The following GOLGA4 variants were observed in gnomAD, a reference collection of about 807,000 sequenced individuals.
GOLGA4 encodes the protein golgin subfamily A member 4.
GOLGA4 carries 169 observed loss-of-function variants against 265.9 expected under a neutral mutation model. The observed-to-expected ratio is 0.64, with a 90% CI of 0.56 to 0.72. GOLGA4 has a LOEUF of 0.72. GOLGA4 is among the 30% of genes least tolerant of loss of function. GOLGA4 has a pLI of 0.00. For missense variants in GOLGA4, 2,482 were observed against 2,483.4 expected (o/e 1.00, Z 0.01); for synonymous variants, 923 against 855.8 (o/e 1.08, Z -1.37).
chr3:37,352,587 A>T (rs189441866), intron 21 of GOLGA4, among the ~76,000 whole-genome samples: 45 of 152,172 alleles, frequency 3.0e-4, no homozygotes, highest in African/African-American at 1.0e-3. Context: ...CTTAAATCTC[A>T]TGAACCGGTC....
In GOLGA4 at chr3:37,258,053, A is replaced by G. The variant is rs1560280925; in HGVS notation, c.162+6569A>G. 3.4e-4 allele frequency among the ~76,000 whole-genome samples: 18 copies of G among 53,468 alleles called. 1 individual carries two copies. Among genetic ancestry groups the G allele is most frequent in the African/African-American group, 1.1e-3 (18 of 15,892 alleles). 35.1% of individuals were successfully genotyped at this position (53,468 alleles called of 152,430 possible). A position where few individuals can be genotyped will look rare whatever the true frequency, so the allele number is the denominator to read the frequency against. The stretch of plus-strand genomic sequence containing the variant: ...TATATGTATATATACATACATATAT[A>G]TATGTATGTATATATGTATATATAT... On this transcript the variant is annotated intron_variant, in intron 2 of 23. Coordinates refer to ENST00000361924, the MANE Select transcript of GOLGA4 (RefSeq NM_002078.5).
chr3:37,292,226 G>A (rs2150822028), intron 5 of GOLGA4, among the ~76,000 whole-genome samples: 1 of 152,248 alleles, frequency 6.6e-6, no homozygotes, highest in Middle Eastern at 3.4e-3. Flanking sequence ...CAGCATGGAA[G>A]GTTGTAGGTT....
Position 37,289,262 on chromosome 3 carries a change from T to C in GOLGA4, c.553T>C (p.Ser185Pro). ...TATATTAAGTCAGAGTCAGGATAAA[T>C]CACTTCGGAGAATAGCAGAATTAAG... is the stretch of plus-strand genomic sequence containing the variant. The part of the protein sequence containing the change: ...QGILSQSQDK[S>P]LRRIAELREE... Residue 185 changes from serine to proline, a missense_variant, in exon 5 of 24, where the codon TCA becomes CCA. By Grantham distance (74) the Ser-to-Pro change is moderately conservative. Transcript: ENST00000361924. 1 of 1,597,284 alleles carries C rather than the reference T, an allele frequency of 6.3e-7. No homozygotes were observed. Among genetic ancestry groups the C allele is most frequent in the Non-Finnish European group, 8.6e-7 (1 of 1,167,442 alleles).
At chr3:37,288,163 G>GTA (rs1559385449) in intron 4 of GOLGA4, among the ~76,000 whole-genome samples, 2 of 144,172 alleles carry the variant, frequency 1.4e-5, no homozygotes, top group African/African-American at 5.3e-5. Context: ...CTGCAGTGGT[G>GTA]CGATCTTGGC....
At chr3:37,361,485 C>T (rs1696268083) in intron 23 of GOLGA4, among the ~76,000 whole-genome samples, 180 bp downstream of exon 23, 1 of 152,028 alleles carries the variant, frequency 6.6e-6, no homozygotes, top group Non-Finnish European at 1.5e-5. Context: ...AAATTACTAC[C>T]ACCAGTAAGA....
chr3:37,343,332 G>T (rs956906363), intron 20 of GOLGA4, among the ~76,000 whole-genome samples: 3 of 152,164 alleles, frequency 2.0e-5, no homozygotes, highest in Non-Finnish European at 4.4e-5. Flanking sequence ...TGTTGGTCAG[G>T]CTGGTCTCAA....
intron 8 of GOLGA4, 105 bp downstream of exon 8, chr3:37,299,125 C>T: frequency 9.3e-7 from 1 of 1,072,368 alleles, no homozygotes. Context: ...ATGGAAAGGG[C>T]ATTTTTGTTT....
chr3:37,258,332 G>A (rs1560281936), intron 2 of GOLGA4, among the ~76,000 whole-genome samples: 5 of 150,290 alleles, frequency 3.3e-5, no homozygotes, highest in African/African-American at 9.8e-5. Context: ...TATGCTGTCT[G>A]TATATATATA....
intron 3 of GOLGA4, among the ~76,000 whole-genome samples, chr3:37,283,929 CT>C (rs2096841454): frequency 6.6e-6 from 1 of 152,170 alleles, no homozygotes; most frequent in South Asian, 2.1e-4. Context: ...TAGTAACTTG[CT>C]TATGTTGCCT....
chr3:37,243,491 C>T lies in GOLGA4; in HGVS notation c.-60C>T. On this transcript the variant is annotated 5_prime_UTR_variant, in exon 1 of 24. Coordinates refer to ENST00000361924, the MANE Select transcript of GOLGA4 (RefSeq NM_002078.5). Reference sequence around the variant, plus strand: ...GTCGCCGTAGCCGTCGCGGCCGGGACTCCCCGGGCTCTCGCCCTTCAGGTT... The same window carrying T: ...GTCGCCGTAGCCGTCGCGGCCGGGATTCCCCGGGCTCTCGCCCTTCAGGTT... The T allele has an allele frequency of 2.0e-6, 3 of 1,483,672 alleles. No individual in the cohort carries two copies. The highest frequency in any genetic ancestry group is 1.9e-6 in the Non-Finnish European group (2 of 1,061,712). 91.9% of individuals were successfully genotyped at this position (1,483,672 alleles called of 1,614,324 possible).
At chr3:37,353,131 G>T (rs1429257970) in intron 21 of GOLGA4, among the ~76,000 whole-genome samples, 2 of 152,010 alleles carry the variant, frequency 1.3e-5, no homozygotes, top group African/African-American at 2.4e-5. Context: ...TCTTATATGG[G>T]CATGGTTTGT....
At chr3:37,247,117 G>A (rs2096721813) in intron 1 of GOLGA4, among the ~76,000 whole-genome samples, 1 of 152,168 alleles carries the variant, frequency 6.6e-6, no homozygotes, top group South Asian at 2.1e-4. Flanking sequence ...GCTTTAATAA[G>A]TTTGGTACCT....
At position 37,355,205 on chromosome 3, in the gene GOLGA4, GCT is replaced by G; in HGVS notation, c.6663+21_6663+22del. 1 of 1,294,698 alleles carries G rather than the reference GCT, an allele frequency of 7.7e-7. No individual in the cohort carries two copies. The highest frequency in any genetic ancestry group is 1.1e-6 in the Non-Finnish European group (1 of 889,206). 80.2% of individuals were successfully genotyped at this position (1,294,698 alleles called of 1,614,324 possible). On this transcript the variant is annotated intron_variant, in intron 22 of 23. Coordinates refer to ENST00000361924, the MANE Select transcript of GOLGA4 (RefSeq NM_002078.5). ...GGCTGATGGTAAGTTCTGGAAGTGG[GCT>G]CTAGATAGAAGATGATTTCCCATCT...
intron 23 of GOLGA4, among the ~76,000 whole-genome samples, chr3:37,362,554 A>T (rs1470785348): frequency 1.5e-4 from 22 of 150,872 alleles, no homozygotes; most frequent in African/African-American, 3.7e-4. Context: ...TTTTTTTTTA[A>T]AAAATAAGTA....
chr3:37,349,927 T>C (rs1247195214), intron 21 of GOLGA4, among the ~76,000 whole-genome samples: 1 of 152,208 alleles, frequency 6.6e-6, no homozygotes, highest in East Asian at 1.9e-4. Flanking sequence ...ACATACGTTC[T>C]TGTAGTATGG....
At chr3:37,279,082 A>G (rs2096827619) in intron 2 of GOLGA4, among the ~76,000 whole-genome samples, 2 of 152,156 alleles carry the variant, frequency 1.3e-5, no homozygotes, top group South Asian at 4.1e-4. Context: ...ACTATGTTTG[A>G]GCATATTGAC....
At chr3:37,339,243 T>C (rs1234900489) in intron 19 of GOLGA4, among the ~76,000 whole-genome samples, 2 of 152,198 alleles carry the variant, frequency 1.3e-5, no homozygotes, top group Non-Finnish European at 2.9e-5. Flanking sequence ...TAATTTCTTG[T>C]TATGGCTGAA....
chr3:37,362,232 T>A (rs574980534), intron 23 of GOLGA4, among the ~76,000 whole-genome samples: 52 of 120,270 alleles, frequency 4.3e-4, no homozygotes, highest in African/African-American at 1.2e-3. Flanking sequence ...TTTATTTATT[T>A]ATTTATTATT....
At chr3:37,287,387 T>G (rs1288344718) in intron 4 of GOLGA4, 1 of 152,162 alleles carries the variant, frequency 6.6e-6, no homozygotes, top group Admixed American at 6.5e-5. Flanking sequence ...TTTCTACATG[T>G]GTACCTGCCT....
Sources: gnomAD v4.1 joint callset for allele counts (sites outside exome capture counted in the v4.1 genomes callset) on GRCh38, gnomAD v4.1.1 for gene constraint, MANE v1.5 for transcripts, NCBI Gene and HGNC (gene_info 2026-07-23, HGNC 2026-07-21) for gene names.